The following N4BP3 variants were observed in gnomAD, a reference collection of about 807,000 sequenced individuals.
The protein encoded by N4BP3 is NEDD4 binding protein 3.
In N4BP3, 33 loss-of-function variants were observed where a neutral mutation model predicts 43.8. The observed-to-expected ratio is 0.75, with a 90% CI of 0.57 to 1.01. N4BP3 has a LOEUF of 1.01. N4BP3 is among the 50% of genes least tolerant of loss of function. The probability of loss-of-function intolerance (pLI) is 0.00; values close to 1 mark genes in which losing one functional copy is unlikely to be tolerated. For missense variants in N4BP3, 756 were observed against 744.2 expected, an observed-to-expected ratio of 1.02 and a Z score of -0.18; for synonymous variants, 326 against 321.9, an observed-to-expected ratio of 1.01 and a Z score of -0.14.
intron 1 of N4BP3, among the ~76,000 whole-genome samples, chr5:178,117,704 A>G (rs1052558666): frequency 3.0e-5 from 4 of 134,586 alleles, no homozygotes; most frequent in Non-Finnish European, 6.2e-5. Flanking sequence ...CGCTGTAGGA[A>G]CCCATCCCCT....
rs564338548 is a variant in N4BP3, at chr5:178,123,828, C to A, written c.*1827C>A. On this transcript the variant is annotated 3_prime_UTR_variant, in exon 5 of 5. Coordinates refer to ENST00000274605, the MANE Select transcript of N4BP3 (RefSeq NM_015111.2). ...CTCTACCCCATTCCTTCCTGTCAGC[C>A]CCAGTCTGTCTTGGCACTGGCCAGG... is the stretch of plus-strand genomic sequence containing the variant. 6.5e-6 allele frequency: 1 copy of A among 153,116 alleles called. No individual in the cohort carries two copies. Among genetic ancestry groups the A allele is most frequent in the East Asian group, 1.9e-4 (1 of 5,184 alleles). The allele number at this position is 153,116 out of a possible 1,614,324, so 9.5% of individuals were successfully genotyped here.
chr5:178,121,327 G>C lies in N4BP3; in HGVS notation c.1082G>C (p.Arg361Pro), dbSNP rs200954417. Residue 361 changes from arginine to proline, a missense_variant, in exon 4 of 5, where the codon CGA becomes CCA. Physicochemically the swap from Arg to Pro is moderately radical, Grantham distance 103 (BLOSUM62 -2). Transcript: ENST00000274605. ...CTCCCAGAGGCTGACCCCAGTGCAC[G>C]ACCAGAGGAGGAAGCCCGATGGGAG... Reference protein sequence around the residue: ...GTLPEADPSARPEEEARWEVC... With the variant: ...GTLPEADPSAPPEEEARWEVC... 1.2e-6 allele frequency: 2 copies of C among 1,602,164 alleles called. No homozygotes were observed. Among genetic ancestry groups the C allele is most frequent in the African/African-American group, 2.7e-5 (2 of 74,622 alleles).
intron 4 of N4BP3, 44 bp from the exon 5 acceptor site, chr5:178,121,430 G>T (rs182335082): frequency 1.2e-6 from 2 of 1,613,200 alleles, no homozygotes; most frequent in African/African-American, 2.7e-5. Context: ...CTCCCAAACC[G>T]GCTCCCCACA....
chr5:178,121,709 A>G lies in N4BP3; in HGVS notation c.1343A>G (p.Lys448Arg). Residue 448 changes from lysine (K) to arginine (R), a missense_variant, in exon 5 of 5, where the codon AAG becomes AGG. Lys to Arg is a conservative substitution (Grantham distance 26). Coordinates refer to ENST00000274605, the MANE Select transcript of N4BP3 (RefSeq NM_015111.2). ...GGCAGCTGTGAGACTGATGACTGCA[A>G]GAGCAGGGGCCTGCTAGGGGAGGCA... is the stretch of plus-strand genomic sequence containing the variant. ...APGSCETDDCKSRGLLGEAGG... is the reference protein window; with the variant it reads ...APGSCETDDCRSRGLLGEAGG... The G allele has an allele frequency of 6.2e-7, 1 of 1,609,832 alleles. No individual in the cohort carries two copies. Among genetic ancestry groups the G allele is most frequent in the South Asian group, 1.1e-5 (1 of 91,080 alleles).
intron 1 of N4BP3, among the ~76,000 whole-genome samples, chr5:178,116,898 C>T (rs1000445217): frequency 5.3e-5 from 8 of 152,208 alleles, no homozygotes; most frequent in African/African-American, 1.9e-4. Flanking sequence ...TTTCATAAGC[C>T]CTTTCCCCTC....
chr5:178,121,529 A>G lies in N4BP3; in HGVS notation c.1163A>G (p.Gln388Arg), dbSNP rs200956523. 7.4e-6 allele frequency: 12 copies of G among 1,613,904 alleles called. No homozygotes were observed. The East Asian group carries it at 2.5e-4, about 33-fold the overall frequency. Residue 388 changes from glutamine to arginine, a missense_variant, in exon 5 of 5, where the codon CAG (glutamine) becomes CGG (arginine). Gln to Arg is a conservative substitution (Grantham distance 43). Coordinates refer to ENST00000274605, the MANE Select transcript of N4BP3 (RefSeq NM_015111.2). ...TTGAAGCAGCAGCTGCGTGAAGCCC[A>G]GGCGGAACTGGCCCAGAAGCTGGCG... is the stretch of plus-strand genomic sequence containing the variant. Reference protein sequence around the residue: ...SLLKQQLREAQAELAQKLAEI... With the variant: ...SLLKQQLREARAELAQKLAEI...
At chr5:178,126,873 C>T (rs1342355655), downstream of N4BP3, among the ~76,000 whole-genome samples, 1 of 152,208 alleles carries the variant, frequency 6.6e-6, no homozygotes, top group African/African-American at 2.4e-5. Context: ...TCCCCTCAAC[C>T]TCCTAGCGTC....
intron 3 of N4BP3, 115 bp downstream of exon 3, chr5:178,120,814 A>G: frequency 7.3e-7 from 1 of 1,372,266 alleles, no homozygotes; most frequent in Non-Finnish European, 9.6e-7. Flanking sequence ...AGAGCAAGAA[A>G]GGGGGAGCTG....
In N4BP3 at chr5:178,122,135, G is replaced by A; in HGVS notation, c.*134G>A. On this transcript the variant is annotated 3_prime_UTR_variant, in exon 5 of 5. Transcript: ENST00000274605. ...GGGCTGGGGAGGCGCAAGGAGAGGAGGGATCCAGTGGGGCCGTGGGCTGGG... is the reference window on the plus strand; with the variant it reads ...GGGCTGGGGAGGCGCAAGGAGAGGAAGGATCCAGTGGGGCCGTGGGCTGGG... 1 of 1,150,450 alleles carries A rather than the reference G, an allele frequency of 8.7e-7. No homozygotes were observed. The highest frequency in any genetic ancestry group is 3.0e-4 in the Middle Eastern group (1 of 3,362). 71.3% of individuals were successfully genotyped at this position (1,150,450 alleles called of 1,614,324 possible).
At position 178,122,392 on chromosome 5, in the gene N4BP3, A is replaced by C; in HGVS notation, c.*391A>C. 5 of 187,120 alleles carry C rather than the reference A, an allele frequency of 2.7e-5. No homozygotes were observed. Among genetic ancestry groups the C allele is most frequent in the African/African-American group, 2.3e-5 (1 of 42,608 alleles). The allele number at this position is 187,120 out of a possible 1,614,324, so 11.6% of individuals were successfully genotyped here. On this transcript the variant is annotated 3_prime_UTR_variant, in exon 5 of 5. Coordinates refer to ENST00000274605, the MANE Select transcript of N4BP3 (RefSeq NM_015111.2). Reference sequence around the variant, plus strand: ...CACTGGCCTCCCCCAGAATAAAACCATGTTTTCTACCAGAGGCTCAGAATA... The same window carrying C: ...CACTGGCCTCCCCCAGAATAAAACCCTGTTTTCTACCAGAGGCTCAGAATA...
chr5:178,124,021 T>TCCAAACC lies in N4BP3; in HGVS notation c.*2034_*2040dup, dbSNP rs763757753. On this transcript the variant is annotated 3_prime_UTR_variant, in exon 5 of 5. Transcript: ENST00000274605. Reference sequence around the variant, plus strand: ...TACCCATTCCCATTTCACAAACTCCTCCAAACCCCAAACCCCAAACGGAAA... The same window carrying TCCAAACC: ...TACCCATTCCCATTTCACAAACTCCTCCAAACCCCAAACCCCAAACCCCAAACGGAAA... 1.3e-4 allele frequency: 20 copies of TCCAAACC among 152,610 alleles called. No homozygotes were observed. The highest frequency in any genetic ancestry group is 4.1e-4 in the South Asian group (2 of 4,828). The allele number at this position is 152,610 out of a possible 1,614,324, so 9.5% of individuals were successfully genotyped here. A position where few individuals can be genotyped will look rare whatever the true frequency, so the allele number is the denominator to read the frequency against.
At chr5:178,116,942 C>A (rs987780413) in intron 1 of N4BP3, among the ~76,000 whole-genome samples, 1 of 152,216 alleles carries the variant, frequency 6.6e-6, no homozygotes, top group African/African-American at 2.4e-5. Context: ...TTGAGGAAAG[C>A]CGGGCAGGCG....
intron 1 of N4BP3, among the ~76,000 whole-genome samples, chr5:178,119,056 G>A (rs1757842048): frequency 6.6e-6 from 1 of 152,074 alleles, no homozygotes; most frequent in African/African-American, 2.4e-5. Context: ...AGTAGAGATG[G>A]GGTTTCACAG....
chr5:178,119,975 G>A (rs951087312), intron 2 of N4BP3, 62 bp downstream of exon 2: 1 of 1,511,164 alleles, frequency 6.6e-7, no homozygotes, highest in Admixed American at 2.0e-5. Context: ...TGGAGACCCT[G>A]ATGTTGGGAT....
At chr5:178,126,749 G>A (rs569640842), downstream of N4BP3, among the ~76,000 whole-genome samples, 21 of 152,224 alleles carry the variant, frequency 1.4e-4, no homozygotes, top group African/African-American at 4.8e-4. Context: ...ATAAAACATG[G>A]ACAATTAACT....
In N4BP3 at chr5:178,121,217, T is replaced by G. The variant is rs762481668; in HGVS notation, c.972T>G (p.Phe324Leu). Reference sequence around the variant, plus strand: ...AGCGCAACCTCCAGCTGCAGCTGTTTATGGCTCAGCAGGAGCAGCGGCGCC... The same window carrying G: ...AGCGCAACCTCCAGCTGCAGCTGTTGATGGCTCAGCAGGAGCAGCGGCGCC... ...RSERNLQLQL[F>L]MAQQEQRRLR... The change falls in exon 4 of 5, where the codon TTT becomes TTG. Residue 324 changes from phenylalanine (F) to leucine (L), a missense_variant. Physicochemically the swap from Phe to Leu is conservative, Grantham distance 22. Coordinates refer to ENST00000274605, the MANE Select transcript of N4BP3 (RefSeq NM_015111.2). The G allele has an allele frequency of 6.2e-7, 1 of 1,603,384 alleles. No homozygotes were observed. Among genetic ancestry groups the G allele is most frequent in the Non-Finnish European group, 8.5e-7 (1 of 1,176,612 alleles).
Position 178,121,581 on chromosome 5 carries a change from T to C in N4BP3, c.1215T>C (p.Leu405=). 6.2e-7 allele frequency: 1 copy of C among 1,613,298 alleles called. No individual in the cohort carries two copies. Among genetic ancestry groups the C allele is most frequent in the Non-Finnish European group, 8.5e-7 (1 of 1,179,932 alleles). ...AGATCTTCAGTCTGAAGACACAACTTCGGGGCAGCCGGGCACAAGCCCAGG... is the reference window on the plus strand; with the variant it reads ...AGATCTTCAGTCTGAAGACACAACTCCGGGGCAGCCGGGCACAAGCCCAGG... ...LAEIFSLKTQ[L]RGSRAQAQAQ... Residue 405 remains leucine (L), a synonymous_variant, in exon 5 of 5, where the codon CTT becomes CTC. Transcript: ENST00000274605.
intron 1 of N4BP3, among the ~76,000 whole-genome samples, chr5:178,119,053 A>C (rs1292810401): frequency 6.6e-6 from 1 of 151,806 alleles, no homozygotes; most frequent in East Asian, 1.9e-4. Context: ...TTTAGTAGAG[A>C]TGGGGTTTCA....
chr5:178,114,924 T>C lies in N4BP3; in HGVS notation c.-31+1153T>C, dbSNP rs147921688. Among the ~76,000 whole-genome samples, 482 of 152,296 alleles carry C rather than the reference T, an allele frequency of 3.2e-3. 4 individuals carry two copies. Among genetic ancestry groups the C allele is most frequent in the African/African-American group, 0.011 (460 of 41,566 alleles). On this transcript the variant is annotated intron_variant, in intron 1 of 4. Transcript: ENST00000274605. ...AGGCATGGAGGGCTGGGCAGACATA[T>C]ATGCAATACATACACAGCAGTGTGT...
Sources: gnomAD v4.1 joint callset for allele counts (sites outside exome capture counted in the v4.1 genomes callset) on GRCh38, gnomAD v4.1.1 for gene constraint, MANE v1.5 for transcripts, NCBI Gene and HGNC (gene_info 2026-07-23, HGNC 2026-07-21) for gene names.